The following PCLO variants were observed in gnomAD, a reference collection of about 807,000 sequenced individuals.
PCLO encodes protein piccolo.
A neutral mutation model predicts 427.5 loss-of-function variants in PCLO; 82 were observed. That is an observed-to-expected ratio of 0.19 (90% CI 0.16 to 0.23). PCLO has a LOEUF of 0.23. Among genes scored for constraint, PCLO ranks in the 10% least tolerant of loss-of-function variants. The probability of loss-of-function intolerance (pLI) is 1.00; values close to 1 mark genes in which losing one functional copy is unlikely to be tolerated. For missense variants in PCLO, 6,239 were observed against 6,115.9 expected (o/e 1.02, Z -0.67); for synonymous variants, 2,357 against 2,155.4 (o/e 1.09, Z -2.59).
chr7:82,767,123 A>T, intron 22 of PCLO, among the ~76,000 whole-genome samples: 1 of 152,212 alleles, frequency 6.6e-6, no homozygotes, highest in East Asian at 1.9e-4. Context: ...GCCTTTGAAC[A>T]AAACAAACAA....
intron 20 of PCLO, chr7:82,821,332 T>C: frequency 1.0e-6 from 1 of 986,054 alleles, no homozygotes; most frequent in Non-Finnish European, 1.2e-6. Context: ...CCAGAGTATG[T>C]ATCCTCAGAT....
chr7:83,106,945 T>C lies in PCLO; in HGVS notation c.3300+27305A>G, dbSNP rs1473518466. On this transcript the variant is annotated intron_variant, in intron 3 of 24. Coordinates refer to ENST00000333891, the MANE Select transcript of PCLO (RefSeq NM_033026.6). ...TATTTAATCAATATGATCTAATATA[T>C]CAAACATATGTGCTCATTAAGTAGT... Among the ~76,000 whole-genome samples, 6 of 133,782 alleles carry C rather than the reference T, an allele frequency of 4.5e-5. No homozygotes were observed. The Admixed American group carries it at 4.9e-4, about 11-fold the overall frequency. 87.8% of individuals were successfully genotyped at this position (133,782 alleles called of 152,430 possible).
intron 2 of PCLO, among the ~76,000 whole-genome samples, chr7:83,149,708 G>GAA (rs1792082183): frequency 6.6e-6 from 1 of 152,124 alleles, no homozygotes; most frequent in African/African-American, 2.4e-5. Flanking sequence ...TTTTCTACCA[G>GAA]CTCTTCTGAA....
intron 3 of PCLO, among the ~76,000 whole-genome samples, chr7:83,099,174 G>A (rs527749753): frequency 2.0e-5 from 3 of 150,256 alleles, no homozygotes; most frequent in African/African-American, 7.3e-5. Context: ...CATTGAACGT[G>A]TATAGGCAAA....
chr7:82,875,993 C>G (rs1793360038), intron 10 of PCLO, among the ~76,000 whole-genome samples: 1 of 151,926 alleles, frequency 6.6e-6, no homozygotes, highest in African/African-American at 2.4e-5. Flanking sequence ...TTCAAATAAA[C>G]TGTAAGATGA....
At chr7:83,154,717 G>C in intron 2 of PCLO, 31 bp downstream of exon 2, 5 of 1,470,902 alleles carry the variant, frequency 3.4e-6, no homozygotes, top group Non-Finnish European at 4.8e-6. Flanking sequence ...TATGGCTGAA[G>C]AGTATGGACT....
In PCLO at chr7:82,775,529, C is replaced by G. The variant is rs11974263; in HGVS notation, c.15008-14036G>C. Reference sequence around the variant, plus strand: ...TTCATATGCTTATTTGCCATCTATACATTTTTGGTAAGGTGTCTGTTAAGG... The same window carrying G: ...TTCATATGCTTATTTGCCATCTATAGATTTTTGGTAAGGTGTCTGTTAAGG... On this transcript the variant is annotated intron_variant, in intron 22 of 24. Transcript: ENST00000333891. Among the ~76,000 whole-genome samples the G allele has an allele frequency of 1.2e-3, 187 of 152,216 alleles. 1 individual carries two copies. Among genetic ancestry groups the G allele is most frequent in the African/African-American group, 4.3e-3 (177 of 41,532 alleles).
chr7:82,919,039 T>C (rs966803713), intron 6 of PCLO, among the ~76,000 whole-genome samples: 3 of 151,916 alleles, frequency 2.0e-5, no homozygotes, highest in African/African-American at 7.2e-5. Flanking sequence ...TACAAATAGT[T>C]ATATATTGTA....
intron 20 of PCLO, chr7:82,821,964 T>A (rs187546305): frequency 1.9e-4 from 185 of 986,158 alleles, no homozygotes; most frequent in Non-Finnish European, 2.1e-4. Flanking sequence ...TAAAGCACTG[T>A]CTTGAAATGG....
intron 3 of PCLO, among the ~76,000 whole-genome samples, chr7:83,067,444 GGGACTTTAC>G (rs1441320721): frequency 6.6e-6 from 1 of 152,154 alleles, no homozygotes; most frequent in Non-Finnish European, 1.5e-5. Flanking sequence ...TTTCAAAGCA[GGGACTTTAC>G]TTTTTTTTCC....
chr7:82,855,427 G>A (rs7792042), intron 10 of PCLO, among the ~76,000 whole-genome samples: 39,158 of 151,958 alleles, frequency 0.26, 5,368 homozygotes, highest in Middle Eastern at 0.31. Flanking sequence ...TGCCAACTAA[G>A]CCTACATGCT....
At chr7:82,829,641 G>A (rs1225356149) in intron 16 of PCLO, among the ~76,000 whole-genome samples, 1 of 152,016 alleles carries the variant, frequency 6.6e-6, no homozygotes, top group Non-Finnish European at 1.5e-5. Context: ...CATAGACTAT[G>A]GATAGGAAGT....
rs142795101 is a variant in PCLO, at chr7:82,886,903, T to C, written c.13529-7441A>G. 1.1e-3 allele frequency among the ~76,000 whole-genome samples: 175 copies of C among 152,330 alleles called. 1 individual carries two copies. The highest frequency in any genetic ancestry group is 4.1e-3 in the African/African-American group (169 of 41,592). ...TAATTTTCTATTATATAGGATGTAT[T>C]GATCTTTTGTCAAAACATCTCAAAA... On this transcript the variant is annotated intron_variant, in intron 9 of 24. Coordinates refer to ENST00000333891, the MANE Select transcript of PCLO (RefSeq NM_033026.6).
chr7:82,906,977 G>T (rs1046572670), intron 8 of PCLO, among the ~76,000 whole-genome samples: 3 of 151,576 alleles, frequency 2.0e-5, no homozygotes, highest in Admixed American at 6.6e-5. Flanking sequence ...ACATTATATT[G>T]GTCTATAATT....
At chr7:82,968,146 A>G (rs886198961) in intron 3 of PCLO, among the ~76,000 whole-genome samples, 3 of 152,232 alleles carry the variant, frequency 2.0e-5, no homozygotes, top group Admixed American at 6.5e-5. Flanking sequence ...TTGCTGATCT[A>G]AAAGAGTAAA....
rs764288693 is a variant in PCLO at position 82,852,064 on chromosome 7, G to T, written c.13655-4817C>A. On this transcript the variant is annotated intron_variant, in intron 10 of 24. Transcript: ENST00000333891. ...GAAGAAGGATCAAAGAAAGGAAGGA[G>T]TAAAAAGAAAGGAAGGGGGGAATCT... is the stretch of plus-strand genomic sequence containing the variant. 2.6e-5 allele frequency among the ~76,000 whole-genome samples: 4 copies of T among 151,944 alleles called. No homozygotes were observed. The Middle Eastern group carries it at 0.01, about 388-fold the overall frequency.
chr7:83,135,182 T>C lies in PCLO; in HGVS notation c.2368A>G (p.Lys790Glu), dbSNP rs1414973376. ...SSKVQSQAEE[K>E]TTPPLKTDSA... Reference sequence around the variant, plus strand: ...TCTGTTTTTAGAGGAGGGGTTGTTTTCTCTTCAGCTTGTGACTGTACTTTG... The same window carrying C: ...TCTGTTTTTAGAGGAGGGGTTGTTTCCTCTTCAGCTTGTGACTGTACTTTG... The change falls in exon 3 of 25, where the codon AAA (lysine) becomes GAA (glutamate). Residue 790 changes from lysine (K) to glutamate (E), a missense_variant. Physicochemically the swap from Lys to Glu is moderately conservative, Grantham distance 56 (BLOSUM62 1). Coordinates refer to ENST00000333891, the MANE Select transcript of PCLO (RefSeq NM_033026.6). The C allele has an allele frequency of 6.2e-7, 1 of 1,613,914 alleles. No individual in the cohort carries two copies. The highest frequency in any genetic ancestry group is 8.5e-7 in the Non-Finnish European group (1 of 1,179,872).
intron 6 of PCLO, among the ~76,000 whole-genome samples, chr7:82,946,280 A>C (rs1431242454): frequency 6.6e-6 from 1 of 152,118 alleles, no homozygotes; most frequent in Non-Finnish European, 1.5e-5. Flanking sequence ...CCCTTTAATA[A>C]ATTTATTCAA....
In PCLO at chr7:82,953,252, CTTG is replaced by C. The variant is rs775434913; in HGVS notation, c.7698_7700del (p.Asn2566del). On this transcript the variant is annotated inframe_deletion, in exon 5 of 25. Coordinates refer to ENST00000333891, the MANE Select transcript of PCLO (RefSeq NM_033026.6). ...GGGATTTGGAAAATCTTGGTGAAGA[CTTG>C]TTGGAGTGTGGGGAAAGTGGGGAGG... 2.5e-6 allele frequency: 4 copies of C among 1,613,682 alleles called. No individual in the cohort carries two copies. Among genetic ancestry groups the C allele is most frequent in the Admixed American group, 1.7e-5 (1 of 59,992 alleles).
Sources: gnomAD v4.1 joint callset for allele counts (sites outside exome capture counted in the v4.1 genomes callset) on GRCh38, gnomAD v4.1.1 for gene constraint, MANE v1.5 for transcripts, NCBI Gene and HGNC (gene_info 2026-07-23, HGNC 2026-07-21) for gene names.